RANBP2: variants seen among roughly 807,000 people sequenced by gnomAD.
RANBP2 encodes the protein RAN binding protein 2, also known as E3 SUMO-protein ligase RanBP2.
A neutral mutation model predicts 303.6 loss-of-function variants in RANBP2; 57 were observed. That is an observed-to-expected ratio of 0.19 (90% CI 0.15 to 0.23). The LOEUF (loss-of-function observed/expected upper bound fraction) is 0.23, where lower values mean the gene tolerates loss of function less well. Ranked by LOEUF, RANBP2 falls within the 10% of genes least tolerant of loss-of-function variation. The pLI is 1.00. For synonymous variants in RANBP2, 1,167 were observed against 1,301.5 expected, an observed-to-expected ratio of 0.90 and a Z score of 2.23; for missense variants, 3,138 against 3,780.8, an observed-to-expected ratio of 0.83 and a Z score of 4.46.
chr2:108,748,115 T>C (rs1175200391), intron 8 of RANBP2, among the ~76,000 whole-genome samples: 9 of 152,192 alleles, frequency 5.9e-5, no homozygotes, highest in Non-Finnish European at 1.2e-4. Flanking sequence ...TGTTATAGCA[T>C]GTATCAGTAC....
chr2:109,040,024 A>C, the RANBP2 span, among the ~76,000 whole-genome samples: 3 of 152,274 alleles, frequency 2.0e-5, no homozygotes, highest in African/African-American at 7.2e-5. Context: ...TTGTATTCCT[A>C]ACCCAGAAAC....
the RANBP2 span, among the ~76,000 whole-genome samples, chr2:109,172,224 G>A: frequency 1.9e-4 from 29 of 152,340 alleles, no homozygotes; most frequent in African/African-American, 6.7e-4. Context: ...CCAGGCCTCT[G>A]AGCACAGCGT....
the RANBP2 span, among the ~76,000 whole-genome samples, chr2:109,244,957 T>A: frequency 1.3e-5 from 2 of 152,218 alleles, no homozygotes; most frequent in Non-Finnish European, 2.9e-5. Context: ...TGAGACTTGA[T>A]CAGGTGCCAG....
chr2:109,239,901 C>T, the RANBP2 span, among the ~76,000 whole-genome samples: 3 of 152,234 alleles, frequency 2.0e-5, no homozygotes, highest in East Asian at 3.8e-4. Flanking sequence ...GGTGAGGAGT[C>T]ACTCAATCAC....
At chr2:109,300,857 C>G in the RANBP2 span, among the ~76,000 whole-genome samples, 1 of 152,278 alleles carries the variant, frequency 6.6e-6, no homozygotes, top group African/African-American at 2.4e-5. Context: ...TAAATCAGAA[C>G]GACTTAAAAA....
At chr2:109,408,563 A>G in the RANBP2 span, among the ~76,000 whole-genome samples, 1 of 152,214 alleles carries the variant, frequency 6.6e-6, no homozygotes, top group Non-Finnish European at 1.5e-5. Context: ...TCGTCCTCCC[A>G]TTCGCTGTCC....
At position 108,764,319 on chromosome 2, in the gene RANBP2, A is replaced by G. The variant is rs768656398; in HGVS notation, c.3780A>G (p.Ser1260=). The G allele has an allele frequency of 3.7e-6, 6 of 1,613,734 alleles. No homozygotes were observed. In the South Asian group the frequency reaches 6.6e-5, roughly 18 times the overall value. The part of the protein sequence containing the change: ...PDMKLTPNAG[S]DRSFVWHALD... ...TGAAATTGACACCAAATGCTGGATC[A>G]GACAGATCTTTTGTATGGCATGCCC... The change falls in exon 20 of 29, where the codon TCA becomes TCG. Residue 1260 remains serine, a synonymous_variant. Coordinates refer to ENST00000283195, the MANE Select transcript of RANBP2 (RefSeq NM_006267.5).
At chr2:108,932,796 A>G in the RANBP2 span, among the ~76,000 whole-genome samples, 21 of 152,312 alleles carry the variant, frequency 1.4e-4, no homozygotes, top group African/African-American at 4.8e-4. Flanking sequence ...AACCGTGGGG[A>G]AAACATTCAA....
rs1251882959 is a variant in RANBP2, at chr2:108,753,967, A to G, written c.2198A>G (p.Lys733Arg). The change falls in exon 15 of 29, where the codon AAG becomes AGG. Residue 733 changes from lysine to arginine, a missense_variant. This residue lies in a region of RANBP2 where 194 missense variants were observed against 197.4 expected (regional missense o/e 0.98). Coordinates refer to ENST00000283195, the MANE Select transcript of RANBP2 (RefSeq NM_006267.5). The stretch of plus-strand genomic sequence containing the variant: ...AGTGATTCAAATCTTTCAGTGGTCA[A>G]GAAAGTAAGTAGCAGGTTGTTGTAT... ...DDSDSNLSVV[K>R]KLPVPLESVK... is the part of the protein sequence containing the mutation. The G allele has an allele frequency of 2.0e-5, 33 of 1,611,952 alleles. No homozygotes were observed. The highest frequency in any genetic ancestry group is 4.5e-5 in the East Asian group (2 of 44,856).
At chr2:108,853,093 G>GT in the RANBP2 span, among the ~76,000 whole-genome samples, 2 of 152,156 alleles carry the variant, frequency 1.3e-5, no homozygotes, top group Non-Finnish European at 2.9e-5. Context: ...ATGTTCCAAG[G>GT]TGTTAATATG....
chr2:109,766,782 G>A, the RANBP2 span, among the ~76,000 whole-genome samples: 1 of 149,738 alleles, frequency 6.7e-6, no homozygotes, highest in Non-Finnish European at 1.5e-5. Context: ...GAATAGATTT[G>A]CCTGTTTGAT....
At chr2:109,413,553 T>C in the RANBP2 span, among the ~76,000 whole-genome samples, 1 of 152,254 alleles carries the variant, frequency 6.6e-6, no homozygotes, top group African/African-American at 2.4e-5. Context: ...TGTGTCTTCC[T>C]GTCTGTCTCT....
chr2:108,830,794 G>A, the RANBP2 span, among the ~76,000 whole-genome samples: 2 of 151,346 alleles, frequency 1.3e-5, no homozygotes, highest in African/African-American at 4.9e-5. Context: ...GGCAACAAGA[G>A]CAAAACTCCG....
chr2:109,506,951 C>T, the RANBP2 span, among the ~76,000 whole-genome samples: 1 of 152,224 alleles, frequency 6.6e-6, no homozygotes, highest in East Asian at 1.9e-4. Context: ...CCACCCCACA[C>T]AGAGCAGTGG....
chr2:109,489,040 A>C, the RANBP2 span, among the ~76,000 whole-genome samples: 7 of 152,244 alleles, frequency 4.6e-5, no homozygotes, highest in South Asian at 2.1e-4. Flanking sequence ...GGATGAGTCC[A>C]GCCTTGGAGG....
At chr2:109,148,150 T>C in the RANBP2 span, among the ~76,000 whole-genome samples, 1 of 152,210 alleles carries the variant, frequency 6.6e-6, no homozygotes, top group Non-Finnish European at 1.5e-5. Flanking sequence ...ATGCACCCAG[T>C]ATGCAGTGTG....
At chr2:108,992,106 T>G in the RANBP2 span, among the ~76,000 whole-genome samples, 1 of 152,236 alleles carries the variant, frequency 6.6e-6, no homozygotes, top group East Asian at 1.9e-4. Context: ...ACCTTAAATC[T>G]GTGTCTTAAT....
the RANBP2 span, among the ~76,000 whole-genome samples, chr2:109,353,761 C>T: frequency 1.3e-5 from 2 of 152,320 alleles, no homozygotes; most frequent in South Asian, 4.1e-4. Context: ...GGAGACAAGA[C>T]GAGAGAGTCT....
the RANBP2 span, among the ~76,000 whole-genome samples, chr2:109,679,808 A>G: frequency 1.8e-4 from 28 of 152,216 alleles, no homozygotes; most frequent in Admixed American, 3.9e-4. Flanking sequence ...ATGTGTACTT[A>G]ACACAGTTTA....
Sources: gnomAD v4.1 joint callset for allele counts (sites outside exome capture counted in the v4.1 genomes callset) on GRCh38, gnomAD v4.1.1 for gene constraint, gnomAD v4.1.1 regional missense constraint, MANE v1.5 for transcripts, NCBI Gene and HGNC (gene_info 2026-07-23, HGNC 2026-07-21) for gene names.